The following PCDH15 variants were observed in gnomAD, a reference collection of about 807,000 sequenced individuals.
PCDH15 encodes the protein protocadherin-15.
Under a neutral mutation model 178.5 loss-of-function variants are expected in PCDH15, and 129 were observed. The ratio of observed to expected loss-of-function variants is 0.72; its 90% confidence interval spans 0.63 to 0.84. The LOEUF is 0.84. Ranked by LOEUF, PCDH15 falls within the 40% of genes least tolerant of loss-of-function variation. PCDH15 has a pLI of 0.00. For missense variants in PCDH15, 2,230 were observed against 2,099.9 expected (o/e 1.06, Z -1.21); for synonymous variants, 800 against 732.0 (o/e 1.09, Z -1.50).
intron 1 of PCDH15, among the ~76,000 whole-genome samples, chr10:55,291,376 A>G (rs1843002528): frequency 6.6e-6 from 1 of 152,216 alleles, no homozygotes; most frequent in African/African-American, 2.4e-5. Flanking sequence ...CAGCTTGTTT[A>G]TCAGCATTCT....
At chr10:54,172,334 C>G (rs1049185697) in intron 13 of PCDH15, among the ~76,000 whole-genome samples, 3 of 151,842 alleles carry the variant, frequency 2.0e-5, no homozygotes, top group Admixed American at 6.6e-5. Context: ...AGAGAACAAA[C>G]CCCCTTTGAA....
chr10:54,268,265 A>C (rs1163607224), intron 8 of PCDH15, among the ~76,000 whole-genome samples: 2 of 151,848 alleles, frequency 1.3e-5, no homozygotes, highest in Non-Finnish European at 2.9e-5. Flanking sequence ...TGACCATATA[A>C]AAAAATTAAC....
intron 1 of PCDH15, among the ~76,000 whole-genome samples, chr10:54,732,460 C>T (rs1450328594): frequency 6.6e-6 from 1 of 151,426 alleles, no homozygotes; most frequent in East Asian, 1.9e-4. Flanking sequence ...GGACCAGTTT[C>T]CTTGAAAGAC....
Position 55,225,026 on chromosome 10 carries a change from T to C in PCDH15, c.-155-58375A>G, listed in dbSNP as rs368712097. On this transcript the variant is annotated intron_variant, in intron 1 of 5. Transcript: ENST00000458638. ...TCTTTAGACATCTTCTTAACACTTA[T>C]CCTTATTAAAACAATCTTGTTTCTT... Among the ~76,000 whole-genome samples the C allele has an allele frequency of 1.8e-4, 27 of 152,240 alleles. No homozygotes were observed. The East Asian group carries it at 4.4e-3, about 25-fold the overall frequency.
chr10:55,178,893 T>G (rs540761102), intron 1 of PCDH15, among the ~76,000 whole-genome samples: 28 of 152,146 alleles, frequency 1.8e-4, no homozygotes, highest in Non-Finnish European at 3.4e-4. Flanking sequence ...TTTCTAAAAT[T>G]TAACTGCCCT....
At chr10:55,397,182 T>C (rs1310939141) in intron 2 of PCDH15, among the ~76,000 whole-genome samples, 2 of 152,166 alleles carry the variant, frequency 1.3e-5, no homozygotes, top group Admixed American at 1.3e-4. Flanking sequence ...TTTTAACATA[T>C]CTCCTTGGTT....
Position 54,689,327 on chromosome 10 carries a change from T to A in PCDH15, c.-28-25037A>T, listed in dbSNP as rs575901000. Among the ~76,000 whole-genome samples the A allele has an allele frequency of 3.3e-5, 5 of 152,252 alleles. No individual in the cohort carries two copies. In the East Asian group the frequency reaches 9.7e-4, roughly 29 times the overall value. On this transcript the variant is annotated intron_variant, in intron 1 of 37. Coordinates refer to ENST00000644397, the MANE Select transcript of PCDH15 (RefSeq NM_001384140.1). ...AACAATTAACACAAAGCACTCTTTT[T>A]TGGATATGGTAACTACCAAAGTCAA...
Position 53,920,097 on chromosome 10 carries a change from T to C in PCDH15, c.3374-16727A>G, listed in dbSNP as rs139039509. Among the ~76,000 whole-genome samples the C allele has an allele frequency of 3.7e-3, 567 of 152,266 alleles. 1 individual carries two copies. Among genetic ancestry groups the C allele is most frequent in the African/African-American group, 0.013 (550 of 41,568 alleles). On this transcript the variant is annotated intron_variant, in intron 25 of 37. Coordinates refer to ENST00000644397, the MANE Select transcript of PCDH15 (RefSeq NM_001384140.1). ...AGCTTGAGGCAAAGTAAAAACAGTA[T>C]GGATACAAGATGAGAAATCCCATTT...
At chr10:55,242,675 C>G (rs1841580572) in intron 1 of PCDH15, among the ~76,000 whole-genome samples, 1 of 150,372 alleles carries the variant, frequency 6.7e-6, no homozygotes, top group African/African-American at 2.5e-5. Flanking sequence ...AACCTTGTCT[C>G]TACAAAAAAT....
At chr10:54,068,080 A>G (rs941184219) in intron 17 of PCDH15, among the ~76,000 whole-genome samples, 1 of 152,102 alleles carries the variant, frequency 6.6e-6, no homozygotes, top group Non-Finnish European at 1.5e-5. Context: ...GGTGCTTGGG[A>G]AAAAGACCAA....
chr10:55,539,818 T>C (rs1841717718), intron 2 of PCDH15, among the ~76,000 whole-genome samples: 1 of 152,112 alleles, frequency 6.6e-6, no homozygotes, highest in African/African-American at 2.4e-5. Context: ...TTCTAATATG[T>C]TGCATAATAA....
chr10:54,819,875 T>C (rs1020707108), intron 3 of PCDH15, among the ~76,000 whole-genome samples: 11 of 152,072 alleles, frequency 7.2e-5, no homozygotes, highest in African/African-American at 2.7e-4. Flanking sequence ...AGAAGAAGTG[T>C]AGTCACATAA....
intron 2 of PCDH15, among the ~76,000 whole-genome samples, chr10:54,964,765 T>C: frequency 6.6e-6 from 1 of 152,230 alleles, no homozygotes; most frequent in East Asian, 1.9e-4. Context: ...TATTTTTATG[T>C]AGAGGTCAAG....
At chr10:54,964,044 A>T (rs535691127) in intron 2 of PCDH15, among the ~76,000 whole-genome samples, 1 of 152,316 alleles carries the variant, frequency 6.6e-6, no homozygotes, top group Admixed American at 6.5e-5. Context: ...AACAGGAAGC[A>T]GGTGGTCAGT....
chr10:54,813,252 T>G (rs550238029), intron 3 of PCDH15, among the ~76,000 whole-genome samples: 1 of 152,340 alleles, frequency 6.6e-6, no homozygotes, highest in African/African-American at 2.4e-5. Flanking sequence ...CCCTAGACTT[T>G]TATGCACTCA....
chr10:55,258,779 T>TA (rs1554846344), intron 1 of PCDH15, among the ~76,000 whole-genome samples: 4 of 149,746 alleles, frequency 2.7e-5, no homozygotes, highest in African/African-American at 4.9e-5. Flanking sequence ...TTTTTTTTTT[T>TA]AATAAACAGA....
At chr10:53,926,811 T>G (rs1183494001) in intron 25 of PCDH15, among the ~76,000 whole-genome samples, 1 of 151,932 alleles carries the variant, frequency 6.6e-6, no homozygotes. Context: ...CTATGTCTCT[T>G]GTATATCAAT....
Position 53,862,250 on chromosome 10 carries a change from C to T in PCDH15, c.3717+4392G>A, listed in dbSNP as rs138949274. On this transcript the variant is annotated intron_variant, in intron 27 of 37. Transcript: ENST00000644397. ...ATTTTTAATAGAGACGAGGTTTCACCATGTTGGCCAGGCTGGTCTTGAACT... is the reference window on the plus strand; with the variant it reads ...ATTTTTAATAGAGACGAGGTTTCACTATGTTGGCCAGGCTGGTCTTGAACT... 3.4e-3 allele frequency among the ~76,000 whole-genome samples: 522 copies of T among 152,144 alleles called. 7 individuals carry two copies. Among genetic ancestry groups the T allele is most frequent in the African/African-American group, 0.012 (504 of 41,530 alleles).
intron 1 of PCDH15, among the ~76,000 whole-genome samples, chr10:55,189,460 T>A (rs12569913): frequency 0.14 from 21,958 of 151,738 alleles, 1,672 homozygotes; most frequent in East Asian, 0.26. Flanking sequence ...TAGAGATAAT[T>A]AAATAACCTC....
Sources: allele counts gnomAD v4.1 joint callset (sites outside exome capture counted in the v4.1 genomes callset), GRCh38; gene constraint gnomAD v4.1.1; transcripts MANE v1.5; gene names NCBI Gene and HGNC (gene_info 2026-07-23, HGNC 2026-07-21).